IFT52: variants seen among roughly 807,000 people sequenced by gnomAD.
IFT52 encodes intraflagellar transport protein 52 homolog.
A neutral mutation model predicts 54.4 loss-of-function variants in IFT52; 44 were observed. The observed-to-expected ratio is 0.81, with a 90% CI of 0.63 to 1.04. The LOEUF is 1.04. Among genes scored for constraint, IFT52 ranks in the 50% least tolerant of loss-of-function variants. IFT52 has a pLI of 0.00. For missense variants in IFT52, 452 were observed against 523.6 expected (o/e 0.86, Z 1.33); for synonymous variants, 181 against 185.3 (o/e 0.98, Z 0.19).
At chr20:43,636,034 G>C in intron 11 of IFT52, 21 bp downstream of exon 11, 1 of 1,610,032 alleles carries the variant, frequency 6.2e-7, no homozygotes. Context: ...GTGCTTGGGA[G>C]ATCCCACTGC....
intron 3 of IFT52, among the ~76,000 whole-genome samples, chr20:43,597,719 C>T (rs539130904): frequency 6.6e-6 from 1 of 152,116 alleles, no homozygotes; most frequent in South Asian, 2.1e-4. Context: ...CATGGTGAAA[C>T]CTCATCTCTA....
At chr20:43,596,101 A>T (rs995526134) in intron 2 of IFT52, among the ~76,000 whole-genome samples, 10 of 152,244 alleles carry the variant, frequency 6.6e-5, no homozygotes, top group Admixed American at 2.0e-4. Context: ...AACTTTGTGT[A>T]TGTGCATGTT....
chr20:43,645,033 G>A lies in IFT52; in HGVS notation c.1267-1903G>A, dbSNP rs557723490. ...GAGGCAAGAGATTCGCTTGAACCTG[G>A]GAGGCGGAGGTTGCAGTGAGCCAAG... On this transcript the variant is annotated intron_variant, in intron 13 of 13. Coordinates refer to ENST00000373030, the MANE Select transcript of IFT52 (RefSeq NM_016004.5). Among the ~76,000 whole-genome samples, 2 of 55,142 alleles carry A rather than the reference G, an allele frequency of 3.6e-5. 1 individual carries two copies. Among genetic ancestry groups the A allele is most frequent in the South Asian group, 1.4e-3 (2 of 1,458 alleles). The allele number at this position is 55,142 out of a possible 152,430, so 36.2% of individuals were successfully genotyped here.
At chr20:43,623,685 G>C (rs4810390) in intron 9 of IFT52, among the ~76,000 whole-genome samples, 1 of 152,086 alleles carries the variant, frequency 6.6e-6, no homozygotes, top group Non-Finnish European at 1.5e-5. Flanking sequence ...TTTGGATTTA[G>C]CCAGTACTGG....
intron 6 of IFT52, among the ~76,000 whole-genome samples, chr20:43,613,454 C>G (rs928965453): frequency 6.6e-6 from 1 of 152,132 alleles, no homozygotes; most frequent in Admixed American, 6.6e-5. Context: ...CAAACCAAAG[C>G]TTAGAAAAAA....
At chr20:43,596,344 C>A in intron 2 of IFT52, 91 bp from the exon 3 acceptor site, 1 of 755,122 alleles carries the variant, frequency 1.3e-6, no homozygotes, top group South Asian at 1.8e-5. Flanking sequence ...GCCTCTGTGG[C>A]CTCTGCTTCC....
At chr20:43,633,354 G>C (rs1359528111) in intron 10 of IFT52, among the ~76,000 whole-genome samples, 1 of 150,468 alleles carries the variant, frequency 6.6e-6, no homozygotes, top group Non-Finnish European at 1.5e-5. Flanking sequence ...AAAAAAAAAA[G>C]GTCAAAATTA....
intron 10 of IFT52, among the ~76,000 whole-genome samples, chr20:43,626,850 G>A (rs536242235): frequency 4.6e-5 from 7 of 152,026 alleles, no homozygotes; most frequent in Admixed American, 6.6e-5. Context: ...GGGCACCCCA[G>A]AGTTTAGAAT....
chr20:43,620,744 C>T (rs113286819), intron 8 of IFT52, 113 bp from the exon 9 acceptor site: 12 of 748,268 alleles, frequency 1.6e-5, no homozygotes, highest in African/African-American at 7.1e-5. Flanking sequence ...TTCTGAATCA[C>T]TGGTTTAATC....
intron 10 of IFT52, among the ~76,000 whole-genome samples, chr20:43,633,892 G>A (rs1000839282): frequency 2.6e-5 from 4 of 151,810 alleles, no homozygotes; most frequent in African/African-American, 7.3e-5. Context: ...GGTTGGGTGC[G>A]GTGGCTCATG....
Position 43,641,243 on chromosome 20 carries a change from C to A in IFT52, c.1121-1236C>A, listed in dbSNP as rs1287856474. 9.2e-5 allele frequency among the ~76,000 whole-genome samples: 14 copies of A among 151,642 alleles called. 1 individual carries two copies. The highest frequency in any genetic ancestry group is 6.6e-4 in the Admixed American group (10 of 15,182). ...TGTTTTGTTTTGTTTTGTTTTGAGA[C>A]CTAATTTTGCTCTTGTTGCCCAGGC... On this transcript the variant is annotated intron_variant, in intron 12 of 13. Transcript: ENST00000373030.
At chr20:43,615,850 G>A (rs930956437) in intron 7 of IFT52, among the ~76,000 whole-genome samples, 19 of 152,202 alleles carry the variant, frequency 1.2e-4, no homozygotes, top group Admixed American at 1.1e-3. Context: ...GCTGAGGCAC[G>A]AGAATCGCTT....
At chr20:43,595,686 G>A (rs142845457) in intron 2 of IFT52, among the ~76,000 whole-genome samples, 3 of 152,256 alleles carry the variant, frequency 2.0e-5, no homozygotes, top group South Asian at 2.1e-4. Context: ...AAGAGTTGGC[G>A]ACCAGCCTGG....
intron 1 of IFT52, among the ~76,000 whole-genome samples, chr20:43,591,594 G>T (rs1981524673): frequency 6.6e-6 from 1 of 151,896 alleles, no homozygotes; most frequent in Admixed American, 6.6e-5. Flanking sequence ...CCATGGAGGG[G>T]GCAGTTTTTC....
chr20:43,598,169 A>G (rs1036710795), intron 3 of IFT52, among the ~76,000 whole-genome samples: 2 of 152,172 alleles, frequency 1.3e-5, no homozygotes, highest in South Asian at 4.1e-4. Flanking sequence ...CATTATGCCA[A>G]ACGAAAATAA....
chr20:43,608,702 C>T (rs1216782753), intron 6 of IFT52, among the ~76,000 whole-genome samples: 2 of 152,066 alleles, frequency 1.3e-5, no homozygotes, highest in African/African-American at 4.8e-5. Context: ...CTCAGGAGTT[C>T]AAGACCAGCT....
intron 12 of IFT52, 161 bp from the exon 13 acceptor site, chr20:43,642,318 T>A (rs1985971254): frequency 1.3e-5 from 8 of 630,476 alleles, no homozygotes; most frequent in Non-Finnish European, 1.9e-5. Context: ...AGCTCTAGGG[T>A]TTTTCAGTGT....
chr20:43,642,721 T>G, intron 13 of IFT52, 97 bp downstream of exon 13: 1 of 1,260,598 alleles, frequency 7.9e-7, no homozygotes, highest in Non-Finnish European at 1.1e-6. Flanking sequence ...TGATTCAGCC[T>G]GTAAATATTT....
intron 1 of IFT52, among the ~76,000 whole-genome samples, chr20:43,592,746 C>T (rs1981632688): frequency 6.6e-6 from 1 of 152,130 alleles, no homozygotes; most frequent in Admixed American, 6.6e-5. Context: ...CTGCAAAATT[C>T]AACCAAACCA....
Sources: gnomAD v4.1 joint callset for allele counts (sites outside exome capture counted in the v4.1 genomes callset) on GRCh38, gnomAD v4.1.1 for gene constraint, MANE v1.5 for transcripts, NCBI Gene and HGNC (gene_info 2026-07-23, HGNC 2026-07-21) for gene names.